Variants in CLVS1 observed in about 807,000 individuals in gnomAD.
CLVS1 encodes clavesin 1, also known as clavesin-1.
Under a neutral mutation model 33.1 loss-of-function variants are expected in CLVS1, and 10 were observed. The ratio of observed to expected loss-of-function variants is 0.30; its 90% confidence interval spans 0.19 to 0.51. The LOEUF (loss-of-function observed/expected upper bound fraction) is 0.51, where lower values mean the gene tolerates loss of function less well. Ranked by LOEUF, CLVS1 falls within the 20% of genes least tolerant of loss-of-function variation. The pLI is 0.97. For missense variants in CLVS1, 343 were observed against 433.4 expected (o/e 0.79, Z 1.85); for synonymous variants, 163 against 166.1 (o/e 0.98, Z 0.14).
intron 1 of CLVS1, among the ~76,000 whole-genome samples, chr8:61,106,783 A>G (rs1805546545): frequency 6.6e-6 from 1 of 152,166 alleles, no homozygotes; most frequent in Non-Finnish European, 1.5e-5. Flanking sequence ...AAGCTTCTAG[A>G]TAAGAGTCAG....
chr8:60,975,663 C>T, the CLVS1 span, among the ~76,000 whole-genome samples: 2 of 152,194 alleles, frequency 1.3e-5, no homozygotes, highest in Non-Finnish European at 2.9e-5. Context: ...ACTGTGAGAA[C>T]ATAATTTCTT....
At chr8:61,435,003 A>G (rs1213943259) in intron 3 of CLVS1, among the ~76,000 whole-genome samples, 1 of 152,218 alleles carries the variant, frequency 6.6e-6, no homozygotes, top group Non-Finnish European at 1.5e-5. Flanking sequence ...CCAGAGTCAG[A>G]TTGAAAAGTA....
the CLVS1 span, among the ~76,000 whole-genome samples, chr8:61,046,028 A>G: frequency 6.6e-6 from 1 of 151,736 alleles, no homozygotes; most frequent in Non-Finnish European, 1.5e-5. Flanking sequence ...TTTTGTTGCC[A>G]TTGCTTTTGG....
chr8:61,200,461 A>G (rs1029506119), intron 2 of CLVS1, among the ~76,000 whole-genome samples: 10 of 152,222 alleles, frequency 6.6e-5, no homozygotes, highest in African/African-American at 2.4e-4. Flanking sequence ...GCATCGTTCC[A>G]TATGCAGGTG....
intron 5 of CLVS1, among the ~76,000 whole-genome samples, chr8:61,468,636 G>A (rs2129607611): frequency 6.7e-6 from 1 of 149,116 alleles, no homozygotes; most frequent in African/African-American, 2.5e-5. Context: ...TTTGTTTCCT[G>A]GAGGCCCCTC....
At chr8:61,113,872 C>G (rs925412796) in intron 1 of CLVS1, among the ~76,000 whole-genome samples, 1 of 152,170 alleles carries the variant, frequency 6.6e-6, no homozygotes, top group Non-Finnish European at 1.5e-5. Context: ...CTCAGGCAAC[C>G]CTCCTCTTGC....
intron 2 of CLVS1, among the ~76,000 whole-genome samples, chr8:61,228,849 T>C (rs1302538484): frequency 2.6e-5 from 4 of 152,218 alleles, no homozygotes; most frequent in East Asian, 1.9e-4. Context: ...GCCACAACAA[T>C]AGCATAAGTG....
intron 2 of CLVS1, among the ~76,000 whole-genome samples, chr8:61,134,728 C>A (rs1429655578): frequency 1.3e-5 from 2 of 152,202 alleles, no homozygotes; most frequent in African/African-American, 4.8e-5. Context: ...CATTTAAGGA[C>A]CCTTGTGGTT....
chr8:61,282,546 GC>G (rs773899150), intron 2 of CLVS1, among the ~76,000 whole-genome samples: 2 of 152,186 alleles, frequency 1.3e-5, no homozygotes, highest in Non-Finnish European at 2.9e-5. Flanking sequence ...AATCCCAGCT[GC>G]CCAAATAATT....
At chr8:61,120,702 G>C (rs1014848990) in intron 1 of CLVS1, among the ~76,000 whole-genome samples, 5 of 142,176 alleles carry the variant, frequency 3.5e-5, no homozygotes, top group African/African-American at 8.1e-5. Flanking sequence ...AGGGGTCAGG[G>C]ACCCACTTGA....
chr8:61,499,735 CT>C lies in CLVS1; in HGVS notation c.*202del, dbSNP rs997390927. ...AAGTTGGACAAAGACTTGAGAGATG[CT>C]TTTTTTTTCCCCCAGTGAGGGGACT... On this transcript the variant is annotated 3_prime_UTR_variant, in exon 6 of 6. Coordinates refer to ENST00000325897, the MANE Select transcript of CLVS1 (RefSeq NM_173519.3). 875 of 403,458 alleles carry C rather than the reference CT, an allele frequency of 2.2e-3. 1 individual carries two copies. Among genetic ancestry groups the C allele is most frequent in the Middle Eastern group, 6.6e-3 (10 of 1,522 alleles). The allele number at this position is 403,458 out of a possible 1,614,324, so 25.0% of individuals were successfully genotyped here.
chr8:61,261,992 G>GTA (rs1554551253), intron 2 of CLVS1, among the ~76,000 whole-genome samples: 7 of 128,346 alleles, frequency 5.5e-5, no homozygotes, highest in East Asian at 2.1e-4. Context: ...GTGTGTGTGT[G>GTA]TGTGTGTGTG....
chr8:61,447,315 T>A (rs1816790675), intron 3 of CLVS1, among the ~76,000 whole-genome samples: 1 of 152,112 alleles, frequency 6.6e-6, no homozygotes, highest in Non-Finnish European at 1.5e-5. Context: ...TAGCAGATCA[T>A]GTTTTTTAAT....
chr8:61,422,327 T>C (rs1815711700), intron 3 of CLVS1, among the ~76,000 whole-genome samples: 1 of 152,192 alleles, frequency 6.6e-6, no homozygotes, highest in Non-Finnish European at 1.5e-5. Flanking sequence ...CCTCTCTAGT[T>C]CCTGATGTTG....
At chr8:61,321,623 T>A (rs1811197341) in intron 2 of CLVS1, among the ~76,000 whole-genome samples, 1 of 152,164 alleles carries the variant, frequency 6.6e-6, no homozygotes, top group African/African-American at 2.4e-5. Context: ...CTCTTGTTAC[T>A]CTTGTTCAGC....
chr8:61,044,701 G>A, the CLVS1 span, among the ~76,000 whole-genome samples: 11 of 152,194 alleles, frequency 7.2e-5, no homozygotes, highest in African/African-American at 2.7e-4. Flanking sequence ...TTGTGGTCTT[G>A]AAAGACATTG....
intron 1 of CLVS1, chr8:61,091,037 T>C (rs1173228700): frequency 2.3e-6 from 1 of 434,958 alleles, no homozygotes; most frequent in Non-Finnish European, 4.5e-6. Flanking sequence ...CTGTGCCCGT[T>C]ACCTCACATG....
intron 2 of CLVS1, among the ~76,000 whole-genome samples, chr8:61,146,521 A>T (rs1428959991): frequency 6.6e-6 from 1 of 152,222 alleles, no homozygotes; most frequent in Non-Finnish European, 1.5e-5. Flanking sequence ...CTCATCAGAG[A>T]GGACTCACAT....
chr8:61,221,091 G>A lies in CLVS1; in HGVS notation c.-151-78586G>A, dbSNP rs766055519. Among the ~76,000 whole-genome samples, 7 of 152,294 alleles carry A rather than the reference G, an allele frequency of 4.6e-5. No individual in the cohort carries two copies. The South Asian group carries it at 1.5e-3, about 32-fold the overall frequency. On this transcript the variant is annotated intron_variant, in intron 2 of 2. Transcript: ENST00000522621. ...GTTCAAGAAGTTTTTGGGCTGAGAT[G>A]ATGGGGTTTTCTAAATATAAAATCA...
Sources: gnomAD v4.1 joint callset for allele counts (sites outside exome capture counted in the v4.1 genomes callset) on GRCh38, gnomAD v4.1.1 for gene constraint, MANE v1.5 for transcripts, NCBI Gene and HGNC (gene_info 2026-07-23, HGNC 2026-07-21) for gene names.